The following GGT5 variants were observed in gnomAD, a reference collection of about 807,000 sequenced individuals.
GGT5 encodes gamma-glutamyltransferase 5.
Under a neutral mutation model 58.1 loss-of-function variants are expected in GGT5, and 50 were observed. The observed-to-expected ratio is 0.86, with a 90% CI of 0.69 to 1.09. The LOEUF (loss-of-function observed/expected upper bound fraction) is 1.09, where lower values mean the gene tolerates loss of function less well. Among genes scored for constraint, GGT5 ranks in the 50% least tolerant of loss-of-function variants. The pLI is 0.00. For missense variants in GGT5, 800 were observed against 789.4 expected, an observed-to-expected ratio of 1.01 and a Z score of -0.16; for synonymous variants, 370 against 346.1, an observed-to-expected ratio of 1.07 and a Z score of -0.77.
At chr22:24,226,598 G>A (rs760066200) in intron 7 of GGT5, 33 bp downstream of exon 7, 6 of 1,610,492 alleles carry the variant, frequency 3.7e-6, no homozygotes, top group Middle Eastern at 1.7e-4. Context: ...GGAGGAGGAC[G>A]GCCCACCAGC....
At chr22:24,220,784 C>T in intron 11 of GGT5, 1 of 414,784 alleles carries the variant, frequency 2.4e-6, no homozygotes, top group East Asian at 7.2e-5. Flanking sequence ...GTAATCCCAG[C>T]ACTTTGGGAG....
Position 24,233,926 on chromosome 22 carries a change from C to T in GGT5, c.252G>A (p.Gln84=). Residue 84 remains glutamine (Q), a synonymous_variant, in exon 2 of 12, where the codon CAG becomes CAA. Transcript: ENST00000327365. The stretch of plus-strand genomic sequence containing the variant: ...TGACCCCTCCGCCCAGGCCCATGCT[C>T]TGAGGGTTGACGACGCTGGTGCAGA... ...ALVCTSVVNP[Q]SMGLGGGVIF... is the part of the protein sequence containing the mutation. 6.2e-7 allele frequency: 1 copy of T among 1,613,854 alleles called. No homozygotes were observed. The highest frequency in any genetic ancestry group is 8.5e-7 in the Non-Finnish European group (1 of 1,179,758).
At chr22:24,242,304 G>A (rs1460380019) in intron 1 of GGT5, 1 of 152,152 alleles carries the variant, frequency 6.6e-6, no homozygotes, top group Non-Finnish European at 1.5e-5. Context: ...AGTGCTGAAA[G>A]AGTAGGAGAT....
At chr22:24,225,678 T>G in intron 8 of GGT5, 26 bp from the exon 9 acceptor site, 14 of 1,448,972 alleles carry the variant, frequency 9.7e-6, no homozygotes, top group Non-Finnish European at 1.4e-5. Flanking sequence ...CAGAAGAGCC[T>G]GGGCTAGGAC....
intron 11 of GGT5, among the ~76,000 whole-genome samples, chr22:24,224,622 C>T (rs2148889729): frequency 6.6e-6 from 1 of 152,224 alleles, no homozygotes; most frequent in South Asian, 2.1e-4. Flanking sequence ...ACCTCTTTCA[C>T]AAATAAAGTT....
intron 1 of GGT5, among the ~76,000 whole-genome samples, chr22:24,238,568 G>T (rs1404192350): frequency 7.0e-6 from 1 of 143,610 alleles, no homozygotes; most frequent in African/African-American, 2.6e-5. Flanking sequence ...GCCAGGCGTG[G>T]TGGCTCATGC....
intron 1 of GGT5, among the ~76,000 whole-genome samples, chr22:24,239,372 TG>T (rs1359895209): frequency 1.3e-5 from 2 of 151,462 alleles, no homozygotes. Context: ...GGTAAACGTG[TG>T]GGTAAATCTA....
intron 11 of GGT5, among the ~76,000 whole-genome samples, chr22:24,223,145 T>TA (rs902148156): frequency 2.0e-5 from 3 of 150,996 alleles, no homozygotes; most frequent in African/African-American, 7.3e-5. Context: ...CTCATGCCTA[T>TA]AAGCCCAGCA....
rs1447457736 is a variant in GGT5 at position 24,225,242 on chromosome 22, C to T, written c.1503+3G>A. 2.5e-6 allele frequency: 4 copies of T among 1,612,442 alleles called. No homozygotes were observed. Among genetic ancestry groups the T allele is most frequent in the South Asian group, 1.1e-5 (1 of 91,054 alleles). ...ACACTCGAGCCAGGAGCCCCAGACT[C>T]ACCTGGGCCACAGCAGAGATGATGA... is the stretch of plus-strand genomic sequence containing the variant. On this transcript the variant is annotated splice_donor_region_variant and intron_variant, in intron 10 of 11. Transcript: ENST00000327365.
In GGT5 at chr22:24,231,940, ACTGCCTGCACTCCCTCAGGGC is replaced by A; in HGVS notation, c.754+90_754+110del. The stretch of plus-strand genomic sequence containing the variant: ...TGCATGGCCTCTCGGGGTCCCGGGC[ACTGCCTGCACTCCCTCAGGGC>A]CTGGGAAGGAGCCTGCCCTCAACCC... On this transcript the variant is annotated intron_variant, in intron 5 of 11. Coordinates refer to ENST00000327365, the MANE Select transcript of GGT5 (RefSeq NM_004121.5). 3.4e-6 allele frequency: 3 copies of A among 890,904 alleles called. No homozygotes were observed. In the South Asian group the frequency reaches 4.7e-5, roughly 14 times the overall value. 55.2% of individuals were successfully genotyped at this position (890,904 alleles called of 1,614,324 possible). A position where few individuals can be genotyped will look rare whatever the true frequency, so the allele number is the denominator to read the frequency against.
chr22:24,222,543 G>A (rs967452643), intron 11 of GGT5, among the ~76,000 whole-genome samples: 6 of 152,138 alleles, frequency 3.9e-5, no homozygotes, highest in Non-Finnish European at 5.9e-5. Flanking sequence ...TAGCTGTGAA[G>A]GTCCTTGGAG....
intron 1 of GGT5, chr22:24,241,372 T>G (rs917870360): frequency 2.0e-5 from 3 of 152,214 alleles, no homozygotes; most frequent in Admixed American, 1.3e-4. Flanking sequence ...AGAGTTGATC[T>G]CGAAGTCTGG....
chr22:24,244,366 C>T (rs1463157563), intron 1 of GGT5, 187 bp downstream of exon 1: 10 of 612,078 alleles, frequency 1.6e-5, no homozygotes, highest in East Asian at 8.3e-5. Context: ...TTCACACACA[C>T]CCACACTCCC....
At position 24,225,414 on chromosome 22, in the gene GGT5, G is replaced by A; in HGVS notation, c.1337-3C>T. The A allele has an allele frequency of 1.2e-6, 2 of 1,605,656 alleles. No individual in the cohort carries two copies. Among genetic ancestry groups the A allele is most frequent in the Non-Finnish European group, 1.7e-6 (2 of 1,174,800 alleles). The stretch of plus-strand genomic sequence containing the variant: ...TCCACCCACCCTGTCTCCACTCACT[G>A]CTGAGCAAACAGCGTCTTGGCAAGT... On this transcript the variant is annotated splice_polypyrimidine_tract_variant and splice_region_variant and intron_variant, in intron 9 of 11. Transcript: ENST00000327365.
rs59104630 is a variant in GGT5, at chr22:24,238,881, AT to A, written c.174-4878del. Among the ~76,000 whole-genome samples, 65 of 11,026 alleles carry A rather than the reference AT, an allele frequency of 5.9e-3. 8 individuals carry two copies. Among genetic ancestry groups the A allele is most frequent in the East Asian group, 0.011 (3 of 270 alleles). 7.2% of individuals were successfully genotyped at this position (11,026 alleles called of 152,430 possible). ...TATATATATAATATATATAATATAT[AT>A]TATATATTTTATATATATATATATT... is the stretch of plus-strand genomic sequence containing the variant. On this transcript the variant is annotated intron_variant, in intron 1 of 11. Coordinates refer to ENST00000327365, the MANE Select transcript of GGT5 (RefSeq NM_004121.5).
chr22:24,240,159 G>A (rs999323965), intron 1 of GGT5, among the ~76,000 whole-genome samples: 2 of 152,158 alleles, frequency 1.3e-5, no homozygotes, highest in African/African-American at 2.4e-5. Context: ...GATGCATGTT[G>A]TAAGCTCTAA....
intron 3 of GGT5, 29 bp from the exon 4 acceptor site, chr22:24,233,047 T>C (rs1222362844): frequency 1.4e-6 from 2 of 1,441,142 alleles, no homozygotes; most frequent in Admixed American, 5.1e-5. Context: ...CTCTCAACCC[T>C]GTGGCTTCCA....
Position 24,225,430 on chromosome 22 carries a change from C to G in GGT5, c.1337-19G>C. ...CCACTCACTGCTGAGCAAACAGCGTCTTGGCAAGTGCAGTGACCCATCCAG... is the reference window on the plus strand; with the variant it reads ...CCACTCACTGCTGAGCAAACAGCGTGTTGGCAAGTGCAGTGACCCATCCAG... On this transcript the variant is annotated intron_variant, in intron 9 of 11. Coordinates refer to ENST00000327365, the MANE Select transcript of GGT5 (RefSeq NM_004121.5). 6.2e-7 allele frequency: 1 copy of G among 1,606,054 alleles called. No individual in the cohort carries two copies. Among genetic ancestry groups the G allele is most frequent in the Non-Finnish European group, 8.5e-7 (1 of 1,174,808 alleles).
At chr22:24,222,933 C>G (rs369520062) in intron 11 of GGT5, among the ~76,000 whole-genome samples, 2 of 151,928 alleles carry the variant, frequency 1.3e-5, no homozygotes, top group Admixed American at 6.6e-5. Flanking sequence ...AAAAATTAGC[C>G]GAGCGTGGTG....
Sources: gnomAD v4.1 joint callset for allele counts (sites outside exome capture counted in the v4.1 genomes callset) on GRCh38, gnomAD v4.1.1 for gene constraint, MANE v1.5 for transcripts, NCBI Gene and HGNC (gene_info 2026-07-23, HGNC 2026-07-21) for gene names.